MAGI1: variants seen among roughly 807,000 people sequenced by gnomAD.
The protein encoded by MAGI1 is membrane associated guanylate kinase, WW and PDZ domain containing 1.
Under a neutral mutation model 139.9 loss-of-function variants are expected in MAGI1, and 58 were observed. The ratio of observed to expected loss-of-function variants is 0.41; its 90% confidence interval spans 0.34 to 0.52. MAGI1 has a LOEUF of 0.52. Among genes scored for constraint, MAGI1 ranks in the 20% least tolerant of loss-of-function variants. The pLI, the probability that MAGI1 is intolerant of heterozygous loss-of-function variation, is 0.12. For synonymous variants in MAGI1, 812 were observed against 737.9 expected (o/e 1.10, Z -1.63); for missense variants, 1,874 against 1,901.6 (o/e 0.99, Z 0.27).
chr3:65,866,995 A>G (rs1212171430), intron 1 of MAGI1, among the ~76,000 whole-genome samples: 5 of 152,126 alleles, frequency 3.3e-5, no homozygotes, highest in Non-Finnish European at 7.3e-5. Flanking sequence ...TTTTAAAGAG[A>G]AGCTGAAGAC....
chr3:65,574,206 C>T (rs2081080282), intron 2 of MAGI1, among the ~76,000 whole-genome samples: 1 of 149,892 alleles, frequency 6.7e-6, no homozygotes, highest in African/African-American at 2.5e-5. Context: ...ATTTTAGGTT[C>T]CGGGATACAT....
At chr3:65,994,449 T>C (rs1435118759) in intron 1 of MAGI1, among the ~76,000 whole-genome samples, 1 of 152,074 alleles carries the variant, frequency 6.6e-6, no homozygotes, top group Non-Finnish European at 1.5e-5. Flanking sequence ...CCCCCTGAGG[T>C]AGACAGGCAA....
At chr3:65,554,189 C>T (rs2079980345) in intron 2 of MAGI1, among the ~76,000 whole-genome samples, 1 of 152,120 alleles carries the variant, frequency 6.6e-6, no homozygotes, top group South Asian at 2.1e-4. Flanking sequence ...ACATCACTTC[C>T]CTTTGAGAAG....
chr3:66,001,698 C>A (rs2066749954), intron 1 of MAGI1, among the ~76,000 whole-genome samples: 1 of 152,152 alleles, frequency 6.6e-6, no homozygotes, highest in South Asian at 2.1e-4. Context: ...AACAGCTGCT[C>A]CTACCTGCCC....
intron 1 of MAGI1, among the ~76,000 whole-genome samples, chr3:65,869,726 C>T (rs1425833334): frequency 6.6e-6 from 1 of 151,850 alleles, no homozygotes; most frequent in Admixed American, 6.6e-5. Flanking sequence ...TGATGTATTC[C>T]AAGGGCCTAC....
intron 3 of MAGI1, among the ~76,000 whole-genome samples, chr3:65,491,544 C>T (rs1008840538): frequency 1.3e-5 from 2 of 152,078 alleles, no homozygotes; most frequent in Admixed American, 1.3e-4. Context: ...CTGAAGCCCC[C>T]CAGATGGGCA....
At chr3:65,541,884 C>T (rs2079244559) in intron 2 of MAGI1, among the ~76,000 whole-genome samples, 1 of 152,150 alleles carries the variant, frequency 6.6e-6, no homozygotes, top group Non-Finnish European at 1.5e-5. Flanking sequence ...TCTCTCTCAC[C>T]ACTCCTATTC....
intron 1 of MAGI1, among the ~76,000 whole-genome samples, chr3:65,791,554 G>C (rs978436594): frequency 1.3e-5 from 2 of 152,234 alleles, no homozygotes; most frequent in South Asian, 2.1e-4. Context: ...AAAAGAGAAA[G>C]GGAGGGAGGA....
intron 1 of MAGI1, among the ~76,000 whole-genome samples, chr3:65,817,930 T>A (rs2041708637): frequency 6.6e-6 from 1 of 152,086 alleles, no homozygotes; most frequent in Admixed American, 6.6e-5. Context: ...CTTAAAACAG[T>A]CAATTCCAAA....
At chr3:65,823,211 G>A in intron 1 of MAGI1, among the ~76,000 whole-genome samples, 1 of 152,068 alleles carries the variant, frequency 6.6e-6, no homozygotes, top group Non-Finnish European at 1.5e-5. Context: ...AATAAAATAG[G>A]AAGGATGAAG....
intron 1 of MAGI1, among the ~76,000 whole-genome samples, chr3:65,922,961 A>G (rs1298997057): frequency 6.6e-6 from 1 of 152,168 alleles, no homozygotes; most frequent in Non-Finnish European, 1.5e-5. Flanking sequence ...TCTTGATAAC[A>G]GGAACATCTG....
At chr3:65,800,624 T>C (rs1264251201) in intron 1 of MAGI1, among the ~76,000 whole-genome samples, 1 of 127,136 alleles carries the variant, frequency 7.9e-6, no homozygotes, top group Non-Finnish European at 1.7e-5. Context: ...GGGAAATACG[T>C]TTTTTAATTA....
At chr3:65,378,340 T>A (rs1326616727) in intron 17 of MAGI1, among the ~76,000 whole-genome samples, 1 of 152,150 alleles carries the variant, frequency 6.6e-6, no homozygotes, top group Non-Finnish European at 1.5e-5. Context: ...CGAATGACTC[T>A]TAACTCAGAT....
intron 1 of MAGI1, among the ~76,000 whole-genome samples, chr3:65,791,406 C>A (rs1474141508): frequency 6.6e-6 from 1 of 152,138 alleles, no homozygotes; most frequent in Non-Finnish European, 1.5e-5. Flanking sequence ...CCTGCTGATA[C>A]CACGATAGAC....
chr3:65,466,024 A>G (rs1412029983), intron 5 of MAGI1, among the ~76,000 whole-genome samples: 3 of 152,032 alleles, frequency 2.0e-5, no homozygotes, highest in East Asian at 1.9e-4. Flanking sequence ...GAATCCATCT[A>G]CTAAGCTTTT....
chr3:65,379,521 G>T lies in MAGI1; in HGVS notation c.2735C>A (p.Ala912Asp). 6.2e-7 allele frequency: 1 copy of T among 1,611,870 alleles called. No homozygotes were observed. The highest frequency in any genetic ancestry group is 8.5e-7 in the Non-Finnish European group (1 of 1,178,238). The change falls in exon 17 of 23, where the codon GCC becomes GAC. Residue 912 changes from alanine to aspartate, a missense_variant. Coordinates refer to ENST00000402939, the MANE Select transcript of MAGI1 (RefSeq NM_001033057.2). ...CTGGTTGCTACTGTGATGAGAGGAG[G>T]CTGGCGAGGGCACCTCGTTCTCGGT... The part of the protein sequence containing the change: ...PKTENEVPSP[A>D]SSHHSSNQPA...
intron 1 of MAGI1, among the ~76,000 whole-genome samples, chr3:65,676,129 T>C (rs145572591): frequency 1.2e-4 from 19 of 152,314 alleles, no homozygotes; most frequent in African/African-American, 4.3e-4. Context: ...ACAGTAAATT[T>C]TGGAAAAACC....
chr3:65,959,798 C>CTTTTTTTTT lies in MAGI1; in HGVS notation c.313+78189_313+78197dup, dbSNP rs33978400. Among the ~76,000 whole-genome samples, 11 of 60,266 alleles carry CTTTTTTTTT rather than the reference C, an allele frequency of 1.8e-4. 1 individual carries two copies. Among genetic ancestry groups the CTTTTTTTTT allele is most frequent in the East Asian group, 6.1e-4 (1 of 1,646 alleles). The allele number at this position is 60,266 out of a possible 152,430, so 39.5% of individuals were successfully genotyped here. On this transcript the variant is annotated intron_variant, in intron 1 of 22. Transcript: ENST00000402939. The stretch of plus-strand genomic sequence containing the variant: ...TAATGGACAAATAAATAAATTCTCT[C>CTTTTTTTTT]TTTTTTTTTTTTTTTTTTTTTTTTT...
At chr3:65,459,642 G>C (rs778168247) in intron 5 of MAGI1, among the ~76,000 whole-genome samples, 1 of 152,134 alleles carries the variant, frequency 6.6e-6, no homozygotes, top group Non-Finnish European at 1.5e-5. Flanking sequence ...AGAAATTCCA[G>C]CATGATGTTG....
Sources: allele counts gnomAD v4.1 joint callset (sites outside exome capture counted in the v4.1 genomes callset), GRCh38; gene constraint gnomAD v4.1.1; transcripts MANE v1.5; gene names NCBI Gene and HGNC (gene_info 2026-07-23, HGNC 2026-07-21).